NECTIN1: variants seen among roughly 807,000 people sequenced by gnomAD.
NECTIN1 encodes nectin cell adhesion molecule 1.
In NECTIN1, 23 loss-of-function variants were observed where a neutral mutation model predicts 48.0. The ratio of observed to expected loss-of-function variants is 0.48; its 90% CI spans 0.34 to 0.68. The LOEUF (loss-of-function observed/expected upper bound fraction) is 0.68. Among genes scored for constraint, NECTIN1 ranks in the 30% least tolerant of loss-of-function variants. The probability of loss-of-function intolerance (pLI) is 0.01; values close to 1 mark genes in which losing one functional copy is unlikely to be tolerated. For synonymous variants in NECTIN1, 270 were observed against 288.9 expected (o/e 0.93, Z 0.66); for missense variants, 591 against 709.9 (o/e 0.83, Z 1.90).
At chr11:119,707,532 G>A (rs1019178490) in intron 1 of NECTIN1, among the ~76,000 whole-genome samples, 12 of 151,378 alleles carry the variant, frequency 7.9e-5, no homozygotes, top group Non-Finnish European at 1.2e-4. Context: ...CCTCCCCACC[G>A]TCTCCCCACT....
intron 4 of NECTIN1, chr11:119,676,743 C>T (rs1490387288): frequency 2.8e-6 from 1 of 359,800 alleles, no homozygotes; most frequent in Non-Finnish European, 5.4e-6. Flanking sequence ...ACACTGGCTT[C>T]CCTGGGGACA....
chr11:119,701,860 C>T (rs975044697), intron 1 of NECTIN1, among the ~76,000 whole-genome samples: 59 of 152,296 alleles, frequency 3.9e-4, no homozygotes, highest in Middle Eastern at 3.4e-3. Context: ...CTCCGCCTCA[C>T]TGGCTCCCGC....
intron 1 of NECTIN1, among the ~76,000 whole-genome samples, chr11:119,719,740 TGGA>T (rs975425863): frequency 2.0e-5 from 3 of 152,300 alleles, no homozygotes; most frequent in African/African-American, 7.2e-5. Context: ...TCATCAGCAA[TGGA>T]GCTCTCAGTC....
At chr11:119,647,737 C>T (rs928740999) in intron 5 of NECTIN1, among the ~76,000 whole-genome samples, 5 of 152,090 alleles carry the variant, frequency 3.3e-5, no homozygotes, top group African/African-American at 1.2e-4. Context: ...GCAGTGTGAC[C>T]TTAACTGTGC....
chr11:119,679,168 C>T (rs1055885903), intron 1 of NECTIN1, among the ~76,000 whole-genome samples: 2 of 152,184 alleles, frequency 1.3e-5, no homozygotes, highest in African/African-American at 4.8e-5. Context: ...GGTTGCTTTT[C>T]GAGCAGAGCC....
In NECTIN1 at chr11:119,677,609, T is replaced by C; in HGVS notation, c.679A>G (p.Ile227Val). ...REAHQQSLAC[I>V]VNYHMDRFKE... ...AAGCGGTCCATGTGGTAGTTGACGA[T>C]GCAGGCCAAGGACTGCTGGTGGGCT... Residue 227 changes from isoleucine (I) to valine (V), a missense_variant, in exon 3 of 6, where the codon ATC (isoleucine) becomes GTC (valine). By Grantham distance (29) the Ile-to-Val change is conservative. Coordinates refer to ENST00000264025, the MANE Select transcript of NECTIN1 (RefSeq NM_002855.5). This position sits in a 1 kb window ranked among gnomAD's most constrained non-coding sequence, Gnocchi z 5.4. The C allele has an allele frequency of 6.2e-7, 1 of 1,613,472 alleles. No homozygotes were observed.
chr11:119,645,229 T>C (rs1864380546), intron 5 of NECTIN1, among the ~76,000 whole-genome samples: 1 of 152,190 alleles, frequency 6.6e-6, no homozygotes, highest in Non-Finnish European at 1.5e-5. Flanking sequence ...TGGCTGAGTC[T>C]GCCTGGCCAT....
intron 1 of NECTIN1, among the ~76,000 whole-genome samples, chr11:119,696,947 G>GA (rs781370052): frequency 6.6e-6 from 1 of 152,182 alleles, no homozygotes; most frequent in African/African-American, 2.4e-5. Flanking sequence ...ATCAACAGGA[G>GA]ACCTGGCAGG....
rs1864745978 is a variant in NECTIN1 at position 119,665,264 on chromosome 11, C to T, written c.1037G>A (p.Gly346Glu). The change falls in exon 6 of 6, where the codon GGG becomes GAG. Residue 346 changes from glycine (G) to glutamate (E), a missense_variant. Gly to Glu is a moderately conservative substitution (Grantham distance 98). Coordinates refer to ENST00000264025, the MANE Select transcript of NECTIN1 (RefSeq NM_002855.5). This position sits in a 1 kb window ranked among gnomAD's most constrained non-coding sequence, Gnocchi z 5.1. Reference sequence around the variant, plus strand: ...CGTGGGCACCGGCCCGGCGCGCCGCCCATGTTCGGGAGGAGACGGGGTGTA... The same window carrying T: ...CGTGGGCACCGGCCCGGCGCGCCGCTCATGTTCGGGAGGAGACGGGGTGTA... ...FPYTPSPPEH[G>E]RRAGPVPTAI... is the part of the protein sequence containing the mutation. 6.3e-7 allele frequency: 1 copy of T among 1,596,572 alleles called. No homozygotes were observed. Among genetic ancestry groups the T allele is most frequent in the Non-Finnish European group, 8.5e-7 (1 of 1,176,746 alleles).
chr11:119,691,904 C>T (rs938967405), intron 1 of NECTIN1, among the ~76,000 whole-genome samples: 2 of 152,182 alleles, frequency 1.3e-5, no homozygotes, highest in Non-Finnish European at 2.9e-5. Context: ...CTGAAATCAT[C>T]ACTTGGCAAA....
intron 1 of NECTIN1, among the ~76,000 whole-genome samples, chr11:119,697,005 T>G (rs921240057): frequency 6.6e-6 from 1 of 152,028 alleles, no homozygotes; most frequent in Admixed American, 6.5e-5. Flanking sequence ...CCGCCTCCTA[T>G]GAGGCCTGCC....
chr11:119,674,692 T>C (rs1177269305), intron 5 of NECTIN1: 2 of 1,614,092 alleles, frequency 1.2e-6, no homozygotes, highest in Admixed American at 1.7e-5. Flanking sequence ...CACTATGGCT[T>C]TGGGCTACAT....
chr11:119,678,409 G>A lies in NECTIN1; in HGVS notation c.430+6C>T. The A allele has an allele frequency of 6.2e-7, 1 of 1,613,314 alleles. No homozygotes were observed. On this transcript the variant is annotated splice_donor_region_variant and intron_variant, in intron 2 of 5. Coordinates refer to ENST00000264025, the MANE Select transcript of NECTIN1 (RefSeq NM_002855.5). The surrounding 1 kb of genome is among the most constrained non-coding windows in gnomAD (Gnocchi z 4.4). ...ATGAACAGGGAGGGGGCCCAGGGCA[G>A]CTTACCCATCACCGTGAGATTGAGC...
At chr11:119,658,621 A>G (rs573802740), downstream of NECTIN1, among the ~76,000 whole-genome samples, 19 of 152,174 alleles carry the variant, frequency 1.2e-4, 1 homozygote, top group South Asian at 3.7e-3. Flanking sequence ...TCTTCAAACC[A>G]CGTCAGATAG....
rs1185789462 is a variant in NECTIN1, at chr11:119,703,344, G to A, written c.80-24579C>T. Among the ~76,000 whole-genome samples, 11 of 152,180 alleles carry A rather than the reference G, an allele frequency of 7.2e-5. No homozygotes were observed. In the South Asian group the frequency reaches 1.2e-3, roughly 17 times the overall value. ...GAAGGGCCTTCATGCTGGCACCAAC[G>A]GGACAGATAAATGTCTTTCAGCAAG... On this transcript the variant is annotated intron_variant, in intron 1 of 5. Transcript: ENST00000264025.
At chr11:119,718,080 TC>T (rs1865774470) in intron 1 of NECTIN1, among the ~76,000 whole-genome samples, 1 of 152,146 alleles carries the variant, frequency 6.6e-6, no homozygotes, top group African/African-American at 2.4e-5. Context: ...CGAATTACCT[TC>T]CTAATTAAGC....
At chr11:119,669,660 T>G (rs75686080) in intron 5 of NECTIN1, among the ~76,000 whole-genome samples, 3,239 of 152,228 alleles carry the variant, frequency 0.021, 97 homozygotes, top group African/African-American at 0.072. Flanking sequence ...CGTGCTCTGC[T>G]TGCCCTACGC....
chr11:119,675,392 G>T, intron 4 of NECTIN1, 82 bp from the exon 5 acceptor site: 2 of 1,488,702 alleles, frequency 1.3e-6, no homozygotes, highest in Admixed American at 1.7e-5. Context: ...CTTGGCTCCA[G>T]GCCCCCTAGC....
intron 1 of NECTIN1, among the ~76,000 whole-genome samples, chr11:119,700,684 G>A (rs1427075844): frequency 7.2e-5 from 11 of 152,224 alleles, no homozygotes; most frequent in South Asian, 2.1e-4. Flanking sequence ...GCAGCATGGC[G>A]GGATATGAAA....
Sources: allele counts gnomAD v4.1 joint callset (sites outside exome capture counted in the v4.1 genomes callset), GRCh38; gene constraint gnomAD v4.1.1; non-coding constraint Gnocchi (gnomAD v3.1); transcripts MANE v1.5; gene names NCBI Gene and HGNC (gene_info 2026-07-23, HGNC 2026-07-21).